CDKAL1: variants seen among roughly 807,000 people sequenced by gnomAD.
CDKAL1 encodes the protein threonylcarbamoyladenosine tRNA methylthiotransferase.
Under a neutral mutation model 68.2 loss-of-function variants are expected in CDKAL1, and 32 were observed. The observed-to-expected ratio is 0.47, with a 90% CI of 0.35 to 0.63. The LOEUF (loss-of-function observed/expected upper bound fraction) is 0.63. CDKAL1 is among the 30% of genes least tolerant of loss of function. The pLI, the probability that CDKAL1 is intolerant of heterozygous loss-of-function variation, is 0.00. For synonymous variants in CDKAL1, 234 were observed against 244.3 expected (o/e 0.96, Z 0.39); for missense variants, 606 against 696.7 (o/e 0.87, Z 1.47).
chr6:20,884,819 A>G (rs1760991767), intron 9 of CDKAL1, among the ~76,000 whole-genome samples: 3 of 152,202 alleles, frequency 2.0e-5, no homozygotes, highest in Admixed American at 2.0e-4. Context: ...GAGGTGAAAA[A>G]TTTGTACACT....
At chr6:21,214,685 C>T (rs952682946) in intron 15 of CDKAL1, among the ~76,000 whole-genome samples, 3 of 152,142 alleles carry the variant, frequency 2.0e-5, no homozygotes, top group Non-Finnish European at 4.4e-5. Flanking sequence ...ACTTCCTATT[C>T]TTACTCTACT....
At chr6:21,192,115 G>A (rs10080974) in intron 13 of CDKAL1, among the ~76,000 whole-genome samples, 30,253 of 134,156 alleles carry the variant, frequency 0.23, 3,184 homozygotes, top group African/African-American at 0.31. Context: ...TCCGCTTCCC[G>A]GGTTCACGCC....
intron 8 of CDKAL1, among the ~76,000 whole-genome samples, chr6:20,828,192 C>A (rs1333723850): frequency 6.6e-6 from 1 of 152,040 alleles, no homozygotes; most frequent in African/African-American, 2.4e-5. Flanking sequence ...TAAAACAAAG[C>A]TAATTTCTAT....
rs144240710 is a variant in CDKAL1 at position 20,666,128 on chromosome 6, A to G, written c.371+16751A>G. Among the ~76,000 whole-genome samples, 1,119 of 152,276 alleles carry G rather than the reference A, an allele frequency of 7.3e-3. 16 individuals carry two copies. Among genetic ancestry groups the G allele is most frequent in the African/African-American group, 0.025 (1,035 of 41,566 alleles). On this transcript the variant is annotated intron_variant, in intron 5 of 15. Coordinates refer to ENST00000274695, the MANE Select transcript of CDKAL1 (RefSeq NM_017774.3). ...TAAATACTATTAAAGAGCTCCTTAC[A>G]TTAGGCAACATAATTAGAAAATATC... is the stretch of plus-strand genomic sequence containing the variant.
At chr6:20,536,494 G>GA (rs1164503938) in intron 2 of CDKAL1, among the ~76,000 whole-genome samples, 19 of 150,542 alleles carry the variant, frequency 1.3e-4, no homozygotes, top group Admixed American at 8.6e-4. Flanking sequence ...GTCATTTGTT[G>GA]AAAAAAAAAC....
At chr6:20,757,415 T>A (rs9465880) in intron 6 of CDKAL1, among the ~76,000 whole-genome samples, 61,667 of 151,848 alleles carry the variant, frequency 0.41, 12,786 homozygotes, top group Non-Finnish European at 0.43. Flanking sequence ...ACCTATAGAC[T>A]GACAATATAT....
chr6:20,843,457 T>A (rs1019349912), intron 8 of CDKAL1, among the ~76,000 whole-genome samples: 10 of 149,474 alleles, frequency 6.7e-5, no homozygotes, highest in African/African-American at 2.4e-4. Flanking sequence ...GGATTTTGAA[T>A]TTTTTTTTTC....
At chr6:21,029,495 C>T (rs1310022297) in intron 11 of CDKAL1, among the ~76,000 whole-genome samples, 1 of 152,094 alleles carries the variant, frequency 6.6e-6, no homozygotes, top group African/African-American at 2.4e-5. Context: ...TCTAATTAAA[C>T]TAAAGAACTT....
intron 5 of CDKAL1, among the ~76,000 whole-genome samples, chr6:20,672,006 G>A (rs187218071): frequency 9.1e-4 from 139 of 152,152 alleles, no homozygotes; most frequent in Admixed American, 2.5e-3. Context: ...GTCTATTTTG[G>A]GCTTTCTGTT....
intron 10 of CDKAL1, among the ~76,000 whole-genome samples, chr6:20,961,697 G>A (rs893889558): frequency 4.6e-5 from 7 of 151,666 alleles, no homozygotes; most frequent in African/African-American, 1.5e-4. Context: ...AACCTGGGAG[G>A]TGGAGCTTGC....
At chr6:21,054,281 T>C (rs1256996469) in intron 11 of CDKAL1, among the ~76,000 whole-genome samples, 2 of 152,162 alleles carry the variant, frequency 1.3e-5, no homozygotes, top group East Asian at 3.8e-4. Flanking sequence ...ATATGATGAA[T>C]TGGTATATAT....
chr6:20,973,999 G>T (rs893627721), intron 10 of CDKAL1, among the ~76,000 whole-genome samples: 1 of 152,168 alleles, frequency 6.6e-6, no homozygotes, highest in Non-Finnish European at 1.5e-5. Context: ...TATAGAAAAC[G>T]CTTACATTAG....
chr6:20,576,810 G>A (rs1005156619), intron 4 of CDKAL1, among the ~76,000 whole-genome samples: 3 of 152,136 alleles, frequency 2.0e-5, no homozygotes, highest in Non-Finnish European at 4.4e-5. Flanking sequence ...TGTGTGTGGC[G>A]TGGAGCAGGT....
At chr6:20,956,775 A>G (rs1298630872) in intron 10 of CDKAL1, among the ~76,000 whole-genome samples, 2 of 152,236 alleles carry the variant, frequency 1.3e-5, no homozygotes, top group East Asian at 1.9e-4. Flanking sequence ...AACAGAGTTA[A>G]TAATTTGGCT....
intron 5 of CDKAL1, among the ~76,000 whole-genome samples, chr6:20,683,842 C>T (rs1770494829): frequency 6.6e-6 from 1 of 152,164 alleles, no homozygotes; most frequent in Non-Finnish European, 1.5e-5. Context: ...AGAGTAATTT[C>T]ACTGCCCTTA....
chr6:20,983,715 C>T (rs988008780), intron 10 of CDKAL1, among the ~76,000 whole-genome samples: 7 of 151,926 alleles, frequency 4.6e-5, no homozygotes, highest in Non-Finnish European at 8.8e-5. Context: ...AGCGAGATGC[C>T]GTCTTAAAAA....
chr6:20,553,276 A>G (rs1429411786), intron 4 of CDKAL1, among the ~76,000 whole-genome samples: 1 of 152,112 alleles, frequency 6.6e-6, no homozygotes, highest in Non-Finnish European at 1.5e-5. Flanking sequence ...TAGGAGGCCG[A>G]GGTGGGCAGA....
chr6:20,883,568 A>G (rs1760926615), intron 9 of CDKAL1, among the ~76,000 whole-genome samples: 1 of 152,238 alleles, frequency 6.6e-6, no homozygotes. Flanking sequence ...TTAAAACTAA[A>G]TAGCCGCATG....
intron 13 of CDKAL1, among the ~76,000 whole-genome samples, chr6:21,128,918 C>T (rs1011688926): frequency 6.6e-6 from 1 of 152,154 alleles, no homozygotes; most frequent in Non-Finnish European, 1.5e-5. Flanking sequence ...AGATTTGAAA[C>T]TATTTTGGAC....
Sources: gnomAD v4.1 joint callset for allele counts (sites outside exome capture counted in the v4.1 genomes callset) on GRCh38, gnomAD v4.1.1 for gene constraint, MANE v1.5 for transcripts, NCBI Gene and HGNC (gene_info 2026-07-23, HGNC 2026-07-21) for gene names.